PIP5K1B: variants seen among roughly 807,000 people sequenced by gnomAD.
PIP5K1B encodes phosphatidylinositol-4-phosphate 5-kinase type 1 beta, also known as phosphatidylinositol 4-phosphate 5-kinase type-1 beta.
In PIP5K1B, 42 loss-of-function variants were observed where a neutral mutation model predicts 67.0. The ratio of observed to expected loss-of-function variants is 0.63; its 90% CI spans 0.49 to 0.81. The LOEUF (loss-of-function observed/expected upper bound fraction) is 0.81. PIP5K1B is among the 30% of genes least tolerant of loss of function. PIP5K1B has a pLI of 0.00. For synonymous variants in PIP5K1B, 214 were observed against 231.4 expected, an observed-to-expected ratio of 0.92 and a Z score of 0.68; for missense variants, 459 against 646.3, an observed-to-expected ratio of 0.71 and a Z score of 3.14.
intron 2 of PIP5K1B, chr9:68,786,051 A>G (rs1350514300): frequency 6.6e-6 from 1 of 152,160 alleles, no homozygotes; most frequent in Non-Finnish European, 1.5e-5. Flanking sequence ...AGAAATACTG[A>G]TCCTTCTCTA....
intron 12 of PIP5K1B, among the ~76,000 whole-genome samples, chr9:68,928,741 A>G (rs1017674091): frequency 6.6e-6 from 1 of 152,254 alleles, no homozygotes; most frequent in African/African-American, 2.4e-5. Context: ...TAGTCCTGCT[A>G]CAGTGGGAAA....
chr9:68,869,955 G>C (rs1823551629), intron 5 of PIP5K1B, among the ~76,000 whole-genome samples: 1 of 152,184 alleles, frequency 6.6e-6, no homozygotes, highest in South Asian at 2.1e-4. Context: ...AAAATGAGAA[G>C]TGACTGCTGC....
At chr9:68,733,512 C>T (rs1828555918) in intron 1 of PIP5K1B, among the ~76,000 whole-genome samples, 1 of 151,558 alleles carries the variant, frequency 6.6e-6, no homozygotes, top group East Asian at 1.9e-4. Flanking sequence ...CTCTGTGTGA[C>T]ATTTAGATTT....
chr9:68,810,118 C>T (rs190747422), intron 2 of PIP5K1B, among the ~76,000 whole-genome samples: 41 of 152,314 alleles, frequency 2.7e-4, no homozygotes, highest in African/African-American at 7.7e-4. Context: ...CTTTGTCTTT[C>T]GGGAAATGCG....
intron 2 of PIP5K1B, among the ~76,000 whole-genome samples, chr9:68,768,020 A>T (rs898807130): frequency 6.6e-6 from 1 of 152,234 alleles, no homozygotes; most frequent in Admixed American, 6.5e-5. Flanking sequence ...ATTCCCATTT[A>T]AATCAAATAT....
At chr9:68,713,848 A>G (rs996299620) in intron 1 of PIP5K1B, among the ~76,000 whole-genome samples, 23 of 152,180 alleles carry the variant, frequency 1.5e-4, no homozygotes, top group African/African-American at 5.5e-4. Flanking sequence ...ACTCTGTTCC[A>G]GGCACTCCTC....
chr9:68,818,887 A>G (rs918223012), intron 3 of PIP5K1B, among the ~76,000 whole-genome samples: 2 of 152,218 alleles, frequency 1.3e-5, no homozygotes, highest in Non-Finnish European at 2.9e-5. Context: ...TGAAAACCTA[A>G]AGCATTTATA....
chr9:68,737,831 G>A lies in PIP5K1B; in HGVS notation c.-242-4670G>A, dbSNP rs1335631507. ...AGATTGCATTGATCCTTAGGAACCA[G>A]CATAAATCTACTAATGCGTAGTGAC... On this transcript the variant is annotated intron_variant, in intron 1 of 15. Coordinates refer to ENST00000265382, the MANE Select transcript of PIP5K1B (RefSeq NM_003558.4). Among the ~76,000 whole-genome samples the A allele has an allele frequency of 4.6e-5, 7 of 152,332 alleles. No homozygotes were observed. In the East Asian group the frequency reaches 1.3e-3, roughly 29 times the overall value.
chr9:68,983,297 G>A (rs1014491068), intron 14 of PIP5K1B, among the ~76,000 whole-genome samples: 3 of 152,112 alleles, frequency 2.0e-5, no homozygotes, highest in Non-Finnish European at 4.4e-5. Context: ...GAGAACTGTT[G>A]ATCAGAGGTG....
rs150425727 is a variant in PIP5K1B, at chr9:68,816,637, A to G, written c.-85-1824A>G. On this transcript the variant is annotated intron_variant, in intron 2 of 15. Coordinates refer to ENST00000265382, the MANE Select transcript of PIP5K1B (RefSeq NM_003558.4). ...AGATGCCATAACTAAATCAATGTAT[A>G]TAGGAAAACTTAATGTATGCTAAAG... Among the ~76,000 whole-genome samples the G allele has an allele frequency of 9.8e-3, 1,486 of 152,324 alleles. 29 individuals are homozygous for G. The highest frequency in any genetic ancestry group is 0.034 in the African/African-American group (1,419 of 41,574).
chr9:68,764,074 C>CTTTTTTTT (rs72304177), intron 2 of PIP5K1B, among the ~76,000 whole-genome samples: 1 of 73,516 alleles, frequency 1.4e-5, no homozygotes, highest in African/African-American at 5.4e-5. Context: ...ACTATAACTT[C>CTTTTTTTT]TTTTTTTTTT....
intron 12 of PIP5K1B, among the ~76,000 whole-genome samples, chr9:68,928,702 A>G (rs1338133761): frequency 6.6e-6 from 1 of 152,192 alleles, no homozygotes; most frequent in Non-Finnish European, 1.5e-5. Context: ...TAGTAGTGAT[A>G]ATGTTTATAG....
rs558851614 is a variant in PIP5K1B at position 68,977,685 on chromosome 9, C to T, written c.1503-13455C>T. 2.3e-3 allele frequency among the ~76,000 whole-genome samples: 328 copies of T among 142,584 alleles called. 1 individual carries two copies. Among genetic ancestry groups the T allele is most frequent in the Non-Finnish European group, 3.1e-3 (206 of 66,324 alleles). 93.5% of individuals were successfully genotyped at this position (142,584 alleles called of 152,430 possible). ...TTTTTTTTTTTTCGAGACGGAGTCT[C>T]GCTCTGTTGTCCAGGCTGGGGTACA... On this transcript the variant is annotated intron_variant, in intron 14 of 15. Coordinates refer to ENST00000265382, the MANE Select transcript of PIP5K1B (RefSeq NM_003558.4).
intron 14 of PIP5K1B, among the ~76,000 whole-genome samples, chr9:68,959,157 T>C (rs1587721703): frequency 6.6e-6 from 1 of 152,296 alleles, no homozygotes; most frequent in East Asian, 1.9e-4. Flanking sequence ...ATGAAAATTA[T>C]ACAGGAACTT....
chr9:68,942,723 TA>T (rs1827626521), intron 14 of PIP5K1B, among the ~76,000 whole-genome samples: 1 of 152,236 alleles, frequency 6.6e-6, no homozygotes, highest in Admixed American at 6.5e-5. Flanking sequence ...TTATCTATGA[TA>T]TTTTTCCTTT....
At chr9:68,838,920 A>T (rs1186699473) in intron 4 of PIP5K1B, among the ~76,000 whole-genome samples, 2 of 152,370 alleles carry the variant, frequency 1.3e-5, no homozygotes, top group South Asian at 4.1e-4. Flanking sequence ...AATATTATTT[A>T]ATTCAGATTT....
At chr9:68,737,657 G>C (rs1014808626) in intron 1 of PIP5K1B, among the ~76,000 whole-genome samples, 7 of 152,196 alleles carry the variant, frequency 4.6e-5, no homozygotes, top group African/African-American at 1.7e-4. Flanking sequence ...CTTGGAGAGT[G>C]GCAGAGGTTC....
At chr9:68,992,613 G>C (rs762385233) in intron 15 of PIP5K1B, among the ~76,000 whole-genome samples, 3 of 151,946 alleles carry the variant, frequency 2.0e-5, no homozygotes, top group Non-Finnish European at 4.4e-5. Context: ...TCTGAGGCAG[G>C]CAAATCACTT....
chr9:68,786,538 T>C (rs1831626869), intron 2 of PIP5K1B, among the ~76,000 whole-genome samples: 1 of 152,082 alleles, frequency 6.6e-6, no homozygotes, highest in Non-Finnish European at 1.5e-5. Flanking sequence ...CAACTTGCTT[T>C]ATTTTACTAG....
Sources: allele counts gnomAD v4.1 joint callset (sites outside exome capture counted in the v4.1 genomes callset), GRCh38; gene constraint gnomAD v4.1.1; transcripts MANE v1.5; gene names NCBI Gene and HGNC (gene_info 2026-07-23, HGNC 2026-07-21).